Variants in UPK2 observed in about 807,000 individuals in gnomAD.
The protein encoded by UPK2 is uroplakin 2, also known as uroplakin-2.
UPK2 carries 19 observed loss-of-function variants against 14.8 expected under a neutral mutation model. That is an observed-to-expected ratio of 1.29 (90% CI 0.90 to 1.89). The LOEUF is 1.89. Ranked by LOEUF, UPK2 falls within the 40% of genes most tolerant of loss-of-function variation. The pLI, the probability that UPK2 is intolerant of heterozygous loss-of-function variation, is 0.00. For missense variants in UPK2, 232 were observed against 236.0 expected, an observed-to-expected ratio of 0.98 and a Z score of 0.11; for synonymous variants, 102 against 101.6, an observed-to-expected ratio of 1.00 and a Z score of -0.02.
At chr11:118,957,052 A>G in intron 2 of UPK2, 38 bp downstream of exon 2, 1 of 1,612,366 alleles carries the variant, frequency 6.2e-7, no homozygotes, top group South Asian at 1.1e-5. Flanking sequence ...TCTAGTCCCC[A>G]AAGACCCCTT....
At position 118,958,266 on chromosome 11, in the gene UPK2, A is replaced by C; in HGVS notation, c.*33A>C. ...TGCCCGGAGCAGCAGCTTCTCCAGG[A>C]AGCCCAGGGCACCATCCAGCTCCCC... On this transcript the variant is annotated 3_prime_UTR_variant, in exon 5 of 5. Transcript: ENST00000264031. The surrounding 1 kb of genome is among the most constrained non-coding windows in gnomAD (Gnocchi z 4.6). The C allele has an allele frequency of 6.3e-7, 1 of 1,587,850 alleles. No homozygotes were observed. Among genetic ancestry groups the C allele is most frequent in the Non-Finnish European group, 8.6e-7 (1 of 1,168,396 alleles).
Position 118,957,739 on chromosome 11 carries a change from T to C in UPK2, c.418+71T>C, listed in dbSNP as rs1941576099. On this transcript the variant is annotated intron_variant, in intron 4 of 4. Coordinates refer to ENST00000264031, the MANE Select transcript of UPK2 (RefSeq NM_006760.4). ...CGCTTCCCTGACCATTCCTGCCTCA[T>C]CCCCAGTCTGGGTTGCCTGTGCCTC... 4 of 1,582,766 alleles carry C rather than the reference T, an allele frequency of 2.5e-6. No homozygotes were observed. The South Asian group carries it at 4.5e-5, about 18-fold the overall frequency.
Position 118,956,509 on chromosome 11 carries a change from A to C in UPK2, c.76+83A>C, listed in dbSNP as rs1490791995. ...TGTACCTTCCAGGGCTCTCAAAGAGAGGTCTGGACAGTTGGGAGTCAGGGC... is the reference window on the plus strand; with the variant it reads ...TGTACCTTCCAGGGCTCTCAAAGAGCGGTCTGGACAGTTGGGAGTCAGGGC... On this transcript the variant is annotated intron_variant, in intron 1 of 4. Transcript: ENST00000264031. This position sits in a 1 kb window ranked among gnomAD's most constrained non-coding sequence, Gnocchi z 4.1. 10 of 1,249,086 alleles carry C rather than the reference A, an allele frequency of 8.0e-6. No homozygotes were observed. Among genetic ancestry groups the C allele is most frequent in the Non-Finnish European group, 1.0e-5 (9 of 882,948 alleles). The allele number at this position is 1,249,086 out of a possible 1,614,324, so 77.4% of individuals were successfully genotyped here. A position where few individuals can be genotyped will look rare whatever the true frequency, so the allele number is the denominator to read the frequency against.
chr11:118,956,456 G>T lies in UPK2; in HGVS notation c.76+30G>T, dbSNP rs779435445. 24 of 1,573,386 alleles carry T rather than the reference G, an allele frequency of 1.5e-5. No individual in the cohort carries two copies. The South Asian group carries it at 2.3e-4, about 15-fold the overall frequency. On this transcript the variant is annotated intron_variant, in intron 1 of 4. Transcript: ENST00000264031. The surrounding 1 kb of genome is among the most constrained non-coding windows in gnomAD (Gnocchi z 4.1). The stretch of plus-strand genomic sequence containing the variant: ...CTTCCATCTCTGGCAGGGGTGGGAA[G>T]GGGGCTGGGGGCCTGGACAGGGAGC...
Position 118,957,015 on chromosome 11 carries a change from G to T in UPK2, c.208+1G>T, listed in dbSNP as rs781606282. 6.2e-7 allele frequency: 1 copy of T among 1,613,958 alleles called. No individual in the cohort carries two copies. The highest frequency in any genetic ancestry group is 8.5e-7 in the Non-Finnish European group (1 of 1,180,000). ...GTCCGGAGAGCCAATGACAGCAAAG[G>T]TCTGCTACCTTCTCCCAAGGCATCC... On this transcript the variant is annotated splice_donor_variant, in intron 2 of 4. Coordinates refer to ENST00000264031, the MANE Select transcript of UPK2 (RefSeq NM_006760.4). LOFTEE classifies it high-confidence loss of function.
Position 118,957,298 on chromosome 11 carries a change from G to A in UPK2, c.299G>A (p.Arg100Gln), listed in dbSNP as rs192943196. The A allele has an allele frequency of 6.1e-5, 98 of 1,614,116 alleles. No homozygotes were observed. The Admixed American group carries it at 1.4e-3, about 23-fold the overall frequency. The stretch of plus-strand genomic sequence containing the variant: ...AGTGGTGCTGGCTTCACAGTCACTC[G>A]GCTCAGTGCATACCAGGTGACAAAC... ...VDSGAGFTVTRLSAYQVTNLV... is the reference protein window; with the variant it reads ...VDSGAGFTVTQLSAYQVTNLV... The change falls in exon 3 of 5, where the codon CGG becomes CAG. Residue 100 changes from arginine (R) to glutamine (Q), a missense_variant. Transcript: ENST00000264031.
rs953714591 is a variant in UPK2, at chr11:118,956,496, G to A, written c.76+70G>A. 70 of 1,358,292 alleles carry A rather than the reference G, an allele frequency of 5.2e-5. No homozygotes were observed. In the African/African-American group the frequency reaches 8.3e-4, roughly 16 times the overall value. 84.1% of individuals were successfully genotyped at this position (1,358,292 alleles called of 1,614,324 possible). ...GGACAGGGAGCACTGTACCTTCCAGGGCTCTCAAAGAGAGGTCTGGACAGT... is the reference window on the plus strand; with the variant it reads ...GGACAGGGAGCACTGTACCTTCCAGAGCTCTCAAAGAGAGGTCTGGACAGT... On this transcript the variant is annotated intron_variant, in intron 1 of 4. Coordinates refer to ENST00000264031, the MANE Select transcript of UPK2 (RefSeq NM_006760.4). The surrounding 1 kb of genome is among the most constrained non-coding windows in gnomAD (Gnocchi z 4.1).
rs1941566240 is a variant in UPK2 at position 118,956,864 on chromosome 11, C to T, written c.77-19C>T. The T allele has an allele frequency of 1.2e-6, 2 of 1,613,704 alleles. No individual in the cohort carries two copies. The highest frequency in any genetic ancestry group is 1.1e-5 in the South Asian group (1 of 91,058). On this transcript the variant is annotated intron_variant, in intron 1 of 4. Coordinates refer to ENST00000264031, the MANE Select transcript of UPK2 (RefSeq NM_006760.4). The surrounding 1 kb of genome is among the most constrained non-coding windows in gnomAD (Gnocchi z 4.1). ...GGAGGGGTCAGTCCCCATCGGAGCTCCCTCCTGCCTCCCATCAGACTTCAA... is the reference window on the plus strand; with the variant it reads ...GGAGGGGTCAGTCCCCATCGGAGCTTCCTCCTGCCTCCCATCAGACTTCAA...
At position 118,958,052 on chromosome 11, in the gene UPK2, T is replaced by C. The variant is rs376485027; in HGVS notation, c.419-45T>C. ...GTGAGGCCGTGAGCCTCAGGCAGGCTGGGGGTCTCTCCCGCCCACAGTGGT... is the reference window on the plus strand; with the variant it reads ...GTGAGGCCGTGAGCCTCAGGCAGGCCGGGGGTCTCTCCCGCCCACAGTGGT... On this transcript the variant is annotated intron_variant, in intron 4 of 4. Coordinates refer to ENST00000264031, the MANE Select transcript of UPK2 (RefSeq NM_006760.4). This position sits in a 1 kb window ranked among gnomAD's most constrained non-coding sequence, Gnocchi z 4.6. 58 of 1,577,040 alleles carry C rather than the reference T, an allele frequency of 3.7e-5. No homozygotes were observed. The African/African-American group carries it at 5.8e-4, about 16-fold the overall frequency.
Position 118,957,326 on chromosome 11 carries a change from C to T in UPK2, c.327C>T (p.Leu109=), listed in dbSNP as rs972799861. 13 of 1,613,934 alleles carry T rather than the reference C, an allele frequency of 8.1e-6. No homozygotes were observed. Among genetic ancestry groups the T allele is most frequent in the African/African-American group, 2.7e-5 (2 of 74,880 alleles). The change falls in exon 3 of 5, where the codon CTC becomes CTT. Residue 109 remains leucine (L), a synonymous_variant. Coordinates refer to ENST00000264031, the MANE Select transcript of UPK2 (RefSeq NM_006760.4). ...TRLSAYQVTN[L]VPGTKFYISY... is the part of the protein sequence containing the mutation. ...TCAGTGCATACCAGGTGACAAACCT[C>T]GTGCCAGGAACCAAATTCTAGTAGG...
chr11:118,957,965 T>TTGGCTGGCTGGC (rs888081794), intron 4 of UPK2, 132 bp from the exon 5 acceptor site: 56 of 1,309,074 alleles, frequency 4.3e-5, no homozygotes, highest in Middle Eastern at 2.1e-4. Context: ...GGTTGGTTGG[T>TTGGCTGGCTGGC]TGGCTGGCTG....
At chr11:118,957,082 C>G (rs1050553580) in intron 2 of UPK2, 68 bp downstream of exon 2, 6 of 1,607,662 alleles carry the variant, frequency 3.7e-6, no homozygotes, top group Non-Finnish European at 5.1e-6. Context: ...CCCTCTGCAC[C>G]CTTTTCCCCA....
intron 3 of UPK2, 72 bp downstream of exon 3, chr11:118,957,418 G>T (rs911396942): frequency 1.3e-6 from 2 of 1,588,614 alleles, no homozygotes; most frequent in African/African-American, 1.3e-5. Context: ...GTGTGGGGGA[G>T]ATCTGGTGGG....
At position 118,956,939 on chromosome 11, in the gene UPK2, C is replaced by T. The variant is rs1423010843; in HGVS notation, c.133C>T (p.Leu45=). The T allele has an allele frequency of 1.9e-6, 3 of 1,613,966 alleles. No individual in the cohort carries two copies. Among genetic ancestry groups the T allele is most frequent in the Non-Finnish European group, 2.5e-6 (3 of 1,180,022 alleles). The change falls in exon 2 of 5, where the codon CTG becomes TTG. Residue 45 remains leucine, a synonymous_variant. Coordinates refer to ENST00000264031, the MANE Select transcript of UPK2 (RefSeq NM_006760.4). This position sits in a 1 kb window ranked among gnomAD's most constrained non-coding sequence, Gnocchi z 4.1. Reference sequence around the variant, plus strand: ...GTCCCCGGCGCTAACGGAGAGCCTGCTGGTTGCCTTGCCCCCCTGTCACCT... The same window carrying T: ...GTCCCCGGCGCTAACGGAGAGCCTGTTGGTTGCCTTGCCCCCCTGTCACCT... ...LLSPALTESL[L]VALPPCHLTG...
At position 118,957,282 on chromosome 11, in the gene UPK2, G is replaced by C; in HGVS notation, c.283G>C (p.Gly95Arg). ...GGTGAGTGTGGTGGACAGTGGTGCT[G>C]GCTTCACAGTCACTCGGCTCAGTGC... ...ELVSVVDSGA[G>R]FTVTRLSAYQ... The change falls in exon 3 of 5, where the codon GGC becomes CGC. Residue 95 changes from glycine to arginine, a missense_variant. Physicochemically the swap from Gly to Arg is moderately radical, Grantham distance 125 (BLOSUM62 -2). Transcript: ENST00000264031. 1 of 1,614,132 alleles carries C rather than the reference G, an allele frequency of 6.2e-7. No homozygotes were observed. The highest frequency in any genetic ancestry group is 1.1e-5 in the South Asian group (1 of 91,086).
Position 118,956,871 on chromosome 11 carries a change from G to C in UPK2, c.77-12G>C, listed in dbSNP as rs555778173. The C allele has an allele frequency of 6.2e-7, 1 of 1,613,798 alleles. No individual in the cohort carries two copies. The highest frequency in any genetic ancestry group is 1.3e-5 in the African/African-American group (1 of 75,002). ...TCAGTCCCCATCGGAGCTCCCTCCT[G>C]CCTCCCATCAGACTTCAACATCTCA... is the stretch of plus-strand genomic sequence containing the variant. On this transcript the variant is annotated splice_polypyrimidine_tract_variant and intron_variant, in intron 1 of 4. Transcript: ENST00000264031. The surrounding 1 kb of genome is among the most constrained non-coding windows in gnomAD (Gnocchi z 4.1).
Position 118,956,479 on chromosome 11 carries a change from A to G in UPK2, c.76+53A>G. The G allele has an allele frequency of 6.8e-7, 1 of 1,477,948 alleles. No individual in the cohort carries two copies. Among genetic ancestry groups the G allele is most frequent in the Admixed American group, 1.7e-5 (1 of 57,406 alleles). 91.6% of individuals were successfully genotyped at this position (1,477,948 alleles called of 1,614,324 possible). Reference sequence around the variant, plus strand: ...AAGGGGGCTGGGGGCCTGGACAGGGAGCACTGTACCTTCCAGGGCTCTCAA... The same window carrying G: ...AAGGGGGCTGGGGGCCTGGACAGGGGGCACTGTACCTTCCAGGGCTCTCAA... On this transcript the variant is annotated intron_variant, in intron 1 of 4. Transcript: ENST00000264031. This position sits in a 1 kb window ranked among gnomAD's most constrained non-coding sequence, Gnocchi z 4.1.
Position 118,957,355 on chromosome 11 carries a change from T to C in UPK2, c.347+9T>C. ...CCAGGAACCAAATTCTAGTAGGTAC[T>C]GGGTCCAGCCTGAGGCACCTAGGGA... On this transcript the variant is annotated intron_variant, in intron 3 of 4. Transcript: ENST00000264031. 6.2e-7 allele frequency: 1 copy of C among 1,613,504 alleles called. No homozygotes were observed. The highest frequency in any genetic ancestry group is 8.5e-7 in the Non-Finnish European group (1 of 1,179,776).
chr11:118,958,530 C>A lies in UPK2; in HGVS notation c.*297C>A. 3.0e-6 allele frequency: 1 copy of A among 336,766 alleles called. No individual in the cohort carries two copies. Among genetic ancestry groups the A allele is most frequent in the Non-Finnish European group, 5.5e-6 (1 of 180,778 alleles). The allele number at this position is 336,766 out of a possible 1,614,324, so 20.9% of individuals were successfully genotyped here. A position where few individuals can be genotyped will look rare whatever the true frequency, so the allele number is the denominator to read the frequency against. On this transcript the variant is annotated 3_prime_UTR_variant, in exon 5 of 5. Transcript: ENST00000264031. This position sits in a 1 kb window ranked among gnomAD's most constrained non-coding sequence, Gnocchi z 4.6. ...CCCCATCCTTCAGTGAACTAAGTCCCTATAATAAAGGCTGAGGCTGCATCT... is the reference window on the plus strand; with the variant it reads ...CCCCATCCTTCAGTGAACTAAGTCCATATAATAAAGGCTGAGGCTGCATCT...
Sources: gnomAD v4.1 joint callset for allele counts on GRCh38, gnomAD v4.1.1 for gene constraint, Gnocchi (gnomAD v3.1) non-coding constraint, MANE v1.5 for transcripts, NCBI Gene and HGNC (gene_info 2026-07-23, HGNC 2026-07-21) for gene names.